RAD54B: variants seen among roughly 807,000 people sequenced by gnomAD.
The protein encoded by RAD54B is DNA repair and recombination protein RAD54B.
RAD54B carries 78 observed loss-of-function variants against 95.8 expected under a neutral mutation model. That is an observed-to-expected ratio of 0.81 (90% CI 0.68 to 0.98). The LOEUF (loss-of-function observed/expected upper bound fraction) is 0.98. Among genes scored for constraint, RAD54B ranks in the 50% least tolerant of loss-of-function variants. RAD54B has a pLI of 0.00. For synonymous variants in RAD54B, 328 were observed against 354.9 expected (o/e 0.92, Z 0.85); for missense variants, 957 against 1,056.6 (o/e 0.91, Z 1.31).
chr8:94,407,794 A>G (rs1234163705), intron 4 of RAD54B, 74 bp from the exon 5 acceptor site: 2 of 1,294,320 alleles, frequency 1.5e-6, no homozygotes, highest in Admixed American at 4.8e-5. Context: ...CTGTACAAAA[A>G]AACTGCACTT....
chr8:94,424,761 A>G (rs976214764), intron 3 of RAD54B, among the ~76,000 whole-genome samples: 4 of 152,178 alleles, frequency 2.6e-5, no homozygotes, highest in African/African-American at 9.7e-5. Flanking sequence ...TTGAAGGTCT[A>G]TCTGCAAGAC....
rs535096087 is a variant in RAD54B at position 94,474,790 on chromosome 8, C to A, written c.-17+211G>T. 1.9e-4 allele frequency among the ~76,000 whole-genome samples: 29 copies of A among 152,326 alleles called. No homozygotes were observed. In the East Asian group the frequency reaches 5.4e-3, roughly 28 times the overall value. On this transcript the variant is annotated intron_variant, in intron 1 of 14. Transcript: ENST00000336148. ...CGCACAACCCTAAACCCCCACCGCC[C>A]GCCCTTCGCTCCAAGGCCCCCGGGG... is the stretch of plus-strand genomic sequence containing the variant.
At chr8:94,436,792 A>G in intron 3 of RAD54B, 1 of 1,549,974 alleles carries the variant, frequency 6.5e-7, no homozygotes, top group South Asian at 1.2e-5. Flanking sequence ...GAGAATTTTC[A>G]CATATGGCTT....
intron 3 of RAD54B, among the ~76,000 whole-genome samples, chr8:94,426,560 G>C (rs1586160264): frequency 6.6e-6 from 1 of 152,116 alleles, no homozygotes; most frequent in South Asian, 2.1e-4. Flanking sequence ...GATAAACATG[G>C]ATGAATATTA....
At chr8:94,403,672 G>A (rs1385216977) in intron 6 of RAD54B, among the ~76,000 whole-genome samples, 3 of 148,942 alleles carry the variant, frequency 2.0e-5, no homozygotes, top group South Asian at 4.2e-4. Flanking sequence ...GTAAGACTCC[G>A]TCTCCAAAAA....
Position 94,378,235 on chromosome 8 carries a change from A to G in RAD54B, c.2460T>C (p.Asp820=). ...KNLFTLHESS[D]CVTHDLLDCE... ...AGTCAAGCAGATCATGAGTAACACA[A>G]TCTGAACTTTCATGTAATGTGAACA... Residue 820 remains aspartate, a synonymous_variant, in exon 14 of 15, where the codon GAT becomes GAC. Coordinates refer to ENST00000336148, the MANE Select transcript of RAD54B (RefSeq NM_012415.3). 1 of 1,613,276 alleles carries G rather than the reference A, an allele frequency of 6.2e-7. No homozygotes were observed. Among genetic ancestry groups the G allele is most frequent in the Non-Finnish European group, 8.5e-7 (1 of 1,179,692 alleles).
chr8:94,389,296 G>A (rs1276805360), intron 10 of RAD54B, among the ~76,000 whole-genome samples: 4 of 152,198 alleles, frequency 2.6e-5, no homozygotes, highest in African/African-American at 9.7e-5. Flanking sequence ...CCAAGAACAC[G>A]TATTAGAATC....
intron 3 of RAD54B, among the ~76,000 whole-genome samples, chr8:94,444,611 T>C (rs78012432): frequency 0.013 from 1,989 of 152,258 alleles, 48 homozygotes; most frequent in African/African-American, 0.046. Context: ...CTTGACCAAC[T>C]CTAGCAAAGC....
chr8:94,389,153 T>C (rs1206866618), intron 10 of RAD54B, among the ~76,000 whole-genome samples: 1 of 152,138 alleles, frequency 6.6e-6, no homozygotes, highest in African/African-American at 2.4e-5. Context: ...CAGGGCCTCA[T>C]TATGTTGCCC....
At chr8:94,436,394 T>C in intron 3 of RAD54B, 3 of 1,345,188 alleles carry the variant, frequency 2.2e-6, no homozygotes, top group South Asian at 1.6e-5. Flanking sequence ...ATTGCTCCCG[T>C]TGTGGGGATG....
chr8:94,444,049 T>G (rs538667609), intron 3 of RAD54B, among the ~76,000 whole-genome samples: 63 of 152,208 alleles, frequency 4.1e-4, no homozygotes, highest in Non-Finnish European at 6.8e-4. Context: ...TATATTAAAT[T>G]TTATGCTTAT....
intron 10 of RAD54B, among the ~76,000 whole-genome samples, chr8:94,389,217 A>G (rs370531657): frequency 1.4e-4 from 22 of 152,310 alleles, no homozygotes; most frequent in African/African-American, 5.3e-4. Context: ...AGCCTCGCAA[A>G]GTGCTGGGAT....
chr8:94,407,552 A>G lies in RAD54B; in HGVS notation c.668T>C (p.Val223Ala). ...AGGGTTAGAGAAACATTTCCTGGCAACCTGAGAAGAATGCGAGATAGCAGT... is the reference window on the plus strand; with the variant it reads ...AGGGTTAGAGAAACATTTCCTGGCAGCCTGAGAAGAATGCGAGATAGCAGT... Reference protein sequence around the residue: ...GSTAISHSSQVARKCFSNPFK... With the variant: ...GSTAISHSSQAARKCFSNPFK... The change falls in exon 5 of 15, where the codon GTT (valine) becomes GCT (alanine). Residue 223 changes from valine (V) to alanine (A), a missense_variant. Physicochemically the swap from Val to Ala is moderately conservative, Grantham distance 64 (BLOSUM62 0). Coordinates refer to ENST00000336148, the MANE Select transcript of RAD54B (RefSeq NM_012415.3). 1 of 1,614,010 alleles carries G rather than the reference A, an allele frequency of 6.2e-7. No homozygotes were observed. Among genetic ancestry groups the G allele is most frequent in the East Asian group, 2.2e-5 (1 of 44,868 alleles).
chr8:94,399,686 G>A (rs1313882710), intron 7 of RAD54B, 65 bp from the exon 8 acceptor site: 1 of 1,487,664 alleles, frequency 6.7e-7, no homozygotes, highest in African/African-American at 1.4e-5. Context: ...AATTTAAGCA[G>A]CCTATTCCTG....
intron 3 of RAD54B, among the ~76,000 whole-genome samples, chr8:94,441,442 GTTTA>G (rs1812393941): frequency 6.6e-6 from 1 of 152,100 alleles, no homozygotes; most frequent in South Asian, 2.1e-4. Flanking sequence ...ACGCTTACCA[GTTTA>G]TTATAAAGGA....
rs750006237 is a variant in RAD54B, at chr8:94,407,609, C to T, written c.611G>A (p.Ser204Asn). The T allele has an allele frequency of 3.7e-6, 6 of 1,613,916 alleles. No homozygotes were observed. In the African/African-American group the frequency reaches 4.0e-5, roughly 11 times the overall value. ...MGVISPDDFS[S>N]GRCFQLGGGS... ...TCCTCCAAGCTGAAAACACCTGCCA[C>T]TGCTGAAGTCATCTGGAGAGATTAC... The change falls in exon 5 of 15, where the codon AGT becomes AAT. Residue 204 changes from serine (S) to asparagine (N), a missense_variant. Physicochemically the swap from Ser to Asn is conservative, Grantham distance 46. Transcript: ENST00000336148.
rs144290595 is a variant in RAD54B at position 94,448,243 on chromosome 8, T to C, written c.304+10025A>G. Among the ~76,000 whole-genome samples, 256 of 152,184 alleles carry C rather than the reference T, an allele frequency of 1.7e-3. 1 individual carries two copies. Among genetic ancestry groups the C allele is most frequent in the African/African-American group, 5.8e-3 (242 of 41,522 alleles). On this transcript the variant is annotated intron_variant, in intron 3 of 14. Transcript: ENST00000336148. ...TTTTGTCTTTCCATTGAGCTATGATTGTACCACTGCACTCCACCCTGGGTG... is the reference window on the plus strand; with the variant it reads ...TTTTGTCTTTCCATTGAGCTATGATCGTACCACTGCACTCCACCCTGGGTG...
At chr8:94,423,111 C>T (rs1453041746) in intron 3 of RAD54B, among the ~76,000 whole-genome samples, 2 of 152,020 alleles carry the variant, frequency 1.3e-5, no homozygotes, top group Non-Finnish European at 2.9e-5. Flanking sequence ...CGGCCGGGCA[C>T]GGTGGCTCAC....
At chr8:94,414,751 G>C (rs1811616243) in intron 3 of RAD54B, among the ~76,000 whole-genome samples, 2 of 152,090 alleles carry the variant, frequency 1.3e-5, no homozygotes, top group African/African-American at 4.8e-5. Context: ...AATCATGAGT[G>C]AACTCCCATT....
Sources: allele counts gnomAD v4.1 joint callset (sites outside exome capture counted in the v4.1 genomes callset), GRCh38; gene constraint gnomAD v4.1.1; transcripts MANE v1.5; gene names NCBI Gene and HGNC (gene_info 2026-07-23, HGNC 2026-07-21).